CSMD3: variants seen among roughly 807,000 people sequenced by gnomAD.
The protein encoded by CSMD3 is CUB and sushi domain-containing protein 3.
In CSMD3, 177 loss-of-function variants were observed where a neutral mutation model predicts 435.2. That is an observed-to-expected ratio of 0.41 (90% confidence interval 0.36 to 0.46). CSMD3 has a LOEUF of 0.46. Ranked by LOEUF, CSMD3 falls within the 20% of genes least tolerant of loss-of-function variation. The pLI is 0.34. For synonymous variants in CSMD3, 1,656 were observed against 1,520.5 expected, an observed-to-expected ratio of 1.09 and a Z score of -2.07; for missense variants, 4,265 against 4,504.6, an observed-to-expected ratio of 0.95 and a Z score of 1.52.
intron 13 of CSMD3, among the ~76,000 whole-genome samples, chr8:112,727,424 G>A (rs1293220925): frequency 6.6e-6 from 1 of 151,822 alleles, no homozygotes; most frequent in African/African-American, 2.4e-5. Flanking sequence ...TGTCTAGTGT[G>A]TGAACAAGAT....
chr8:113,137,797 A>G (rs1321053715), intron 4 of CSMD3, among the ~76,000 whole-genome samples: 1 of 151,534 alleles, frequency 6.6e-6, no homozygotes, highest in Non-Finnish European at 1.5e-5. Context: ...TTCAACATAA[A>G]TTTTGAAGGG....
intron 59 of CSMD3, among the ~76,000 whole-genome samples, chr8:112,273,826 T>C (rs1586616145): frequency 6.6e-6 from 1 of 151,896 alleles, no homozygotes; most frequent in East Asian, 1.9e-4. Context: ...ATTTACTGAG[T>C]TGCTCTTATT....
intron 5 of CSMD3, among the ~76,000 whole-genome samples, chr8:113,020,291 A>T (rs2086642429): frequency 6.6e-6 from 1 of 152,086 alleles, no homozygotes; most frequent in South Asian, 2.1e-4. Flanking sequence ...TGTAGTCTTC[A>T]CATATTTGGT....
intron 35 of CSMD3, among the ~76,000 whole-genome samples, chr8:112,399,013 T>G (rs552552183): frequency 8.6e-5 from 13 of 151,868 alleles, no homozygotes; most frequent in African/African-American, 2.9e-4. Context: ...GCCTCCCAGG[T>G]TCAATCAATT....
At chr8:113,019,563 TTA>T (rs1304118855) in intron 5 of CSMD3, among the ~76,000 whole-genome samples, 46 of 148,968 alleles carry the variant, frequency 3.1e-4, no homozygotes, top group African/African-American at 1.1e-3. Context: ...TTATTATTTA[TTA>T]TATATATTGT....
In CSMD3 at chr8:112,472,606, C is replaced by T. The variant is rs1322371405; in HGVS notation, c.5380G>A (p.Val1794Ile). Residue 1794 changes from valine to isoleucine, a missense_variant, in exon 32 of 71, where the codon GTT becomes ATT. Coordinates refer to ENST00000297405, the MANE Select transcript of CSMD3 (RefSeq NM_198123.2). ...VGHNCVYSIA[V>I]PKEFVVFGQF... ...TCTTACTTACCAAACTCCTTTGGAA[C>T]TGCTATAGAATAAACACAATTATGT... 1.3e-5 allele frequency: 21 copies of T among 1,567,560 alleles called. No homozygotes were observed. The highest frequency in any genetic ancestry group is 1.8e-5 in the Non-Finnish European group (20 of 1,137,774).
At chr8:112,362,721 T>C (rs1288587334) in intron 38 of CSMD3, among the ~76,000 whole-genome samples, 1 of 151,854 alleles carries the variant, frequency 6.6e-6, no homozygotes, top group African/African-American at 2.4e-5. Flanking sequence ...ACAATTGCAA[T>C]AAATGAAGGT....
In CSMD3 at chr8:112,744,404, T is replaced by C. The variant is rs1490553006; in HGVS notation, c.1973-54354A>G. Among the ~76,000 whole-genome samples the C allele has an allele frequency of 3.3e-5, 5 of 152,124 alleles. No individual in the cohort carries two copies. In the East Asian group the frequency reaches 7.7e-4, roughly 23 times the overall value. On this transcript the variant is annotated intron_variant, in intron 13 of 70. Coordinates refer to ENST00000297405, the MANE Select transcript of CSMD3 (RefSeq NM_198123.2). ...AATAAGTAATTGAAATTATTTCTCA[T>C]TTTTAACTTTTATTTCCTTGGGAAA...
chr8:112,887,154 T>A (rs1471142681), intron 10 of CSMD3, among the ~76,000 whole-genome samples: 1 of 151,324 alleles, frequency 6.6e-6, no homozygotes, highest in Non-Finnish European at 1.5e-5. Flanking sequence ...AGCTCACCTA[T>A]CATATAGTAA....
At chr8:113,007,053 A>G (rs770811903) in intron 6 of CSMD3, among the ~76,000 whole-genome samples, 71 of 151,982 alleles carry the variant, frequency 4.7e-4, no homozygotes, top group Non-Finnish European at 3.7e-4. Flanking sequence ...TTGGAAAAAG[A>G]AGTAAAATAC....
intron 38 of CSMD3, among the ~76,000 whole-genome samples, chr8:112,370,314 T>C (rs1487993683): frequency 6.6e-6 from 1 of 152,174 alleles, no homozygotes; most frequent in African/African-American, 2.4e-5. Context: ...TAGTTTAATA[T>C]TCATGCACAG....
intron 10 of CSMD3, among the ~76,000 whole-genome samples, chr8:112,896,733 C>T (rs924301771): frequency 4.0e-5 from 6 of 151,456 alleles, no homozygotes; most frequent in Admixed American, 4.0e-4. Flanking sequence ...TTCCATTACA[C>T]TTTCCACTTA....
intron 6 of CSMD3, among the ~76,000 whole-genome samples, chr8:112,995,841 C>A (rs747933857): frequency 1.5e-5 from 2 of 137,684 alleles, no homozygotes; most frequent in Non-Finnish European, 3.4e-5. Flanking sequence ...TTGTCTTTAC[C>A]ATTCTTAGCT....
Position 113,327,571 on chromosome 8 carries a change from A to G in CSMD3, c.179-12778T>C, listed in dbSNP as rs1233546790. On this transcript the variant is annotated intron_variant, in intron 1 of 70. Transcript: ENST00000297405. ...AGCCTCCCATCCCTGGTAGCTGTGC[A>G]AAACAGCCTCCCAGCAATCAGGGGG... 2.0e-5 allele frequency among the ~76,000 whole-genome samples: 3 copies of G among 152,146 alleles called. No homozygotes were observed. The East Asian group carries it at 5.8e-4, about 29-fold the overall frequency.
intron 20 of CSMD3, among the ~76,000 whole-genome samples, chr8:112,642,865 A>T (rs2074872382): frequency 6.6e-6 from 1 of 152,210 alleles, no homozygotes; most frequent in African/African-American, 2.4e-5. Context: ...AAAGTTAATT[A>T]ACACAAATAC....
At chr8:112,620,650 C>T (rs1833996565) in intron 22 of CSMD3, among the ~76,000 whole-genome samples, 1 of 152,148 alleles carries the variant, frequency 6.6e-6, no homozygotes, top group African/African-American at 2.4e-5. Flanking sequence ...CAACAGACTT[C>T]CCGAGGCCAG....
intron 1 of CSMD3, among the ~76,000 whole-genome samples, chr8:113,430,273 T>C (rs971984032): frequency 6.6e-6 from 1 of 152,244 alleles, no homozygotes; most frequent in Non-Finnish European, 1.5e-5. Flanking sequence ...CATGTGCATG[T>C]TTATTTGAAT....
At chr8:112,808,353 T>C (rs757671436) in intron 12 of CSMD3, among the ~76,000 whole-genome samples, 2 of 152,082 alleles carry the variant, frequency 1.3e-5, no homozygotes, top group African/African-American at 2.4e-5. Context: ...CTTATTGTGA[T>C]ATCCTACCTT....
intron 16 of CSMD3, among the ~76,000 whole-genome samples, chr8:112,668,163 G>C (rs952846845): frequency 1.3e-5 from 2 of 152,038 alleles, no homozygotes; most frequent in Non-Finnish European, 2.9e-5. Flanking sequence ...TAAAAAGCTA[G>C]TTTTAAAGGA....
Sources: allele counts gnomAD v4.1 joint callset (sites outside exome capture counted in the v4.1 genomes callset), GRCh38; gene constraint gnomAD v4.1.1; transcripts MANE v1.5; gene names NCBI Gene and HGNC (gene_info 2026-07-23, HGNC 2026-07-21).